EXOC6B: variants seen among roughly 807,000 people sequenced by gnomAD.
EXOC6B encodes SEC15 homolog B.
In EXOC6B, 54 loss-of-function variants were observed where a neutral mutation model predicts 113.5. The ratio of observed to expected loss-of-function variants is 0.48; its 90% confidence interval spans 0.38 to 0.60. The LOEUF (loss-of-function observed/expected upper bound fraction) is 0.60. Among genes scored for constraint, EXOC6B ranks in the 20% least tolerant of loss-of-function variants. The probability of loss-of-function intolerance (pLI) is 0.00; values close to 1 mark genes in which losing one functional copy is unlikely to be tolerated. For missense variants in EXOC6B, 797 were observed against 977.5 expected (o/e 0.82, Z 2.46); for synonymous variants, 357 against 339.0 (o/e 1.05, Z -0.58).
chr2:72,671,209 CAAGAAGGTG>C (rs993887565), intron 6 of EXOC6B, among the ~76,000 whole-genome samples: 3 of 152,102 alleles, frequency 2.0e-5, no homozygotes, highest in African/African-American at 7.2e-5. Flanking sequence ...AAGAAACAAT[CAAGAAGGTG>C]AAGAGACAAC....
intron 20 of EXOC6B, among the ~76,000 whole-genome samples, chr2:72,191,697 C>T (rs1559000191): frequency 1.3e-5 from 2 of 152,134 alleles, no homozygotes; most frequent in African/African-American, 4.8e-5. Flanking sequence ...GGACAGAGAA[C>T]AGACAGCATT....
At chr2:72,656,236 C>A (rs1674564135) in intron 6 of EXOC6B, among the ~76,000 whole-genome samples, 1 of 151,872 alleles carries the variant, frequency 6.6e-6, no homozygotes, top group South Asian at 2.1e-4. Flanking sequence ...CCACGAACAG[C>A]CGAAGTAAAT....
chr2:72,595,419 G>GA (rs2103962788), intron 6 of EXOC6B, among the ~76,000 whole-genome samples: 1 of 149,426 alleles, frequency 6.7e-6, no homozygotes, highest in Admixed American at 6.7e-5. Flanking sequence ...AAAAAATTTT[G>GA]AAAAAATAAT....
At chr2:72,510,135 A>C (rs993074206) in intron 11 of EXOC6B, among the ~76,000 whole-genome samples, 6 of 152,110 alleles carry the variant, frequency 3.9e-5, no homozygotes, top group African/African-American at 1.4e-4. Flanking sequence ...TGCCCGACCT[A>C]ATATCAGTAT....
At chr2:72,737,299 G>A (rs1324724740) in intron 2 of EXOC6B, among the ~76,000 whole-genome samples, 1 of 151,816 alleles carries the variant, frequency 6.6e-6, no homozygotes, top group Non-Finnish European at 1.5e-5. Context: ...AGCCAAGATT[G>A]TGCCACTGAG....
At chr2:72,575,202 T>C (rs1440210175) in intron 7 of EXOC6B, among the ~76,000 whole-genome samples, 1 of 152,142 alleles carries the variant, frequency 6.6e-6, no homozygotes. Context: ...GTAGGTAAAC[T>C]CTACTCTTCC....
At chr2:72,493,163 G>T (rs982002891) in intron 15 of EXOC6B, among the ~76,000 whole-genome samples, 9 of 152,018 alleles carry the variant, frequency 5.9e-5, no homozygotes, top group Admixed American at 2.0e-4. Context: ...TCACATGAAT[G>T]GTAGTTACAC....
At chr2:72,804,645 G>C (rs531954518) in intron 1 of EXOC6B, among the ~76,000 whole-genome samples, 2 of 151,778 alleles carry the variant, frequency 1.3e-5, no homozygotes, top group East Asian at 3.9e-4. Flanking sequence ...ACCCAGGCTG[G>C]AGTACAATGG....
intron 20 of EXOC6B, among the ~76,000 whole-genome samples, chr2:72,319,842 T>A (rs1186299385): frequency 9.1e-6 from 1 of 109,884 alleles, no homozygotes; most frequent in Non-Finnish European, 1.9e-5. Flanking sequence ...ATCAGCAAGC[T>A]TTTTTTTTTT....
intron 18 of EXOC6B, among the ~76,000 whole-genome samples, chr2:72,388,981 G>A (rs866015954): frequency 6.6e-6 from 1 of 152,030 alleles, no homozygotes; most frequent in African/African-American, 2.4e-5. Context: ...AAATATAGTT[G>A]AGTCATTCTG....
At chr2:72,618,579 GAATAA>G (rs1671545775) in intron 6 of EXOC6B, among the ~76,000 whole-genome samples, 1 of 152,024 alleles carries the variant, frequency 6.6e-6, no homozygotes, top group Non-Finnish European at 1.5e-5. Context: ...GTAATAGCCT[GAATAA>G]AATCATCTGT....
intron 20 of EXOC6B, among the ~76,000 whole-genome samples, chr2:72,276,063 A>G (rs755445708): frequency 6.6e-6 from 1 of 152,054 alleles, no homozygotes; most frequent in Admixed American, 6.6e-5. Context: ...GAGATAGAGG[A>G]GGGTGGAAAA....
chr2:72,333,624 G>C lies in EXOC6B; in HGVS notation c.2196+1323C>G, dbSNP rs193069336. 3.9e-4 allele frequency among the ~76,000 whole-genome samples: 60 copies of C among 152,208 alleles called. No individual in the cohort carries two copies. In the East Asian group the frequency reaches 0.012, roughly 29 times the overall value. Reference sequence around the variant, plus strand: ...GAGTTGCTACATCTACAGGTGGAAGGTCTTAAGTGTGGGAAGAGATTGTTC... The same window carrying C: ...GAGTTGCTACATCTACAGGTGGAAGCTCTTAAGTGTGGGAAGAGATTGTTC... On this transcript the variant is annotated intron_variant, in intron 20 of 21. Transcript: ENST00000272427.
At chr2:72,552,158 A>C (rs144726572) in intron 8 of EXOC6B, among the ~76,000 whole-genome samples, 1,871 of 152,332 alleles carry the variant, frequency 0.012, 36 homozygotes, top group African/African-American at 0.041. Flanking sequence ...CATTAAACAA[A>C]ATAAACTAGC....
At chr2:72,745,500 G>C (rs1174769863) in intron 1 of EXOC6B, among the ~76,000 whole-genome samples, 1 of 151,956 alleles carries the variant, frequency 6.6e-6, no homozygotes, top group African/African-American at 2.4e-5. Flanking sequence ...ATTTAAAACA[G>C]GGGATAAAGA....
chr2:72,604,172 G>A (rs1196932743), intron 6 of EXOC6B, among the ~76,000 whole-genome samples: 1 of 152,064 alleles, frequency 6.6e-6, no homozygotes, highest in African/African-American at 2.4e-5. Flanking sequence ...ACAAACTTAG[G>A]AAGAAGTATA....
intron 20 of EXOC6B, among the ~76,000 whole-genome samples, chr2:72,313,121 C>T (rs1179427197): frequency 6.6e-6 from 1 of 151,982 alleles, no homozygotes; most frequent in Non-Finnish European, 1.5e-5. Flanking sequence ...ATTAGAAAAT[C>T]AATAAAGAAC....
intron 6 of EXOC6B, among the ~76,000 whole-genome samples, chr2:72,650,897 A>T (rs1674122248): frequency 6.6e-6 from 1 of 151,744 alleles, no homozygotes; most frequent in Non-Finnish European, 1.5e-5. Flanking sequence ...AAAAAAACAA[A>T]AAAACAAAAA....
At chr2:72,490,180 A>C (rs1362884107) in intron 16 of EXOC6B, among the ~76,000 whole-genome samples, 1 of 152,184 alleles carries the variant, frequency 6.6e-6, no homozygotes, top group Non-Finnish European at 1.5e-5. Flanking sequence ...TAATTAAATC[A>C]ATATGGAAGG....
Sources: gnomAD v4.1 joint callset for allele counts (sites outside exome capture counted in the v4.1 genomes callset) on GRCh38, gnomAD v4.1.1 for gene constraint, MANE v1.5 for transcripts, NCBI Gene and HGNC (gene_info 2026-07-23, HGNC 2026-07-21) for gene names.